YWHAE: variants seen among roughly 807,000 people sequenced by gnomAD.
YWHAE encodes tyrosine 3-monooxygenase/tryptophan 5-monooxygenase activation protein epsilon.
YWHAE carries 4 observed loss-of-function variants against 30.1 expected under a neutral mutation model. The observed-to-expected ratio is 0.13, with a 90% CI of 0.07 to 0.30. YWHAE has a LOEUF of 0.30. Among genes scored for constraint, YWHAE ranks in the 10% least tolerant of loss-of-function variants. The pLI is 1.00. For missense variants in YWHAE, 121 were observed against 315.9 expected, an observed-to-expected ratio of 0.38 and a Z score of 4.68; for synonymous variants, 118 against 111.8, an observed-to-expected ratio of 1.06 and a Z score of -0.35.
chr17:1,392,125 C>A (rs1473337697), intron 1 of YWHAE, among the ~76,000 whole-genome samples: 3 of 151,760 alleles, frequency 2.0e-5, no homozygotes, highest in South Asian at 2.1e-4. Flanking sequence ...GTCAAAGCTG[C>A]AGTGAGCCAT....
chr17:1,359,835 TG>T (rs2072827267), intron 4 of YWHAE, among the ~76,000 whole-genome samples: 2 of 146,278 alleles, frequency 1.4e-5, no homozygotes, highest in Non-Finnish European at 3.0e-5. Context: ...TGTGTGTGTG[TG>T]TGTGTGTGTG....
At chr17:1,355,135 A>C (rs1309276017) in intron 4 of YWHAE, among the ~76,000 whole-genome samples, 11 of 107,974 alleles carry the variant, frequency 1.0e-4, no homozygotes, top group African/African-American at 3.3e-4. Flanking sequence ...AAAAAAAAAA[A>C]AAAAAAAAAA....
At chr17:1,394,198 T>G (rs777251419) in intron 1 of YWHAE, among the ~76,000 whole-genome samples, 3 of 152,122 alleles carry the variant, frequency 2.0e-5, no homozygotes, top group Non-Finnish European at 2.9e-5. Context: ...TCTCTCAAAC[T>G]CACTTTCTTG....
intron 4 of YWHAE, among the ~76,000 whole-genome samples, chr17:1,358,410 T>C (rs1049979339): frequency 8.5e-5 from 13 of 152,048 alleles, no homozygotes; most frequent in Admixed American, 3.9e-4. Context: ...CGGCTGATTT[T>C]TTGTATTTTT....
chr17:1,390,570 T>C (rs963449572), intron 1 of YWHAE, among the ~76,000 whole-genome samples: 3 of 152,188 alleles, frequency 2.0e-5, no homozygotes, highest in African/African-American at 7.2e-5. Flanking sequence ...ATAACCACCC[T>C]GCAAATTAGT....
chr17:1,351,295 T>G (rs1049058914), intron 5 of YWHAE, among the ~76,000 whole-genome samples: 1 of 151,818 alleles, frequency 6.6e-6, no homozygotes, highest in African/African-American at 2.4e-5. Flanking sequence ...GGAGAATCAC[T>G]TGAACCCAGG....
intron 5 of YWHAE, among the ~76,000 whole-genome samples, chr17:1,353,515 C>A (rs1355386124): frequency 6.6e-6 from 1 of 151,662 alleles, no homozygotes; most frequent in Non-Finnish European, 1.5e-5. Context: ...GTAATCCCTG[C>A]ACTTTGGGAG....
At chr17:1,349,466 T>C (rs1432562836) in intron 5 of YWHAE, among the ~76,000 whole-genome samples, 1 of 152,206 alleles carries the variant, frequency 6.6e-6, no homozygotes, top group South Asian at 2.1e-4. Flanking sequence ...CCTGAATTTT[T>C]CACTGTTGAA....
chr17:1,354,148 A>G (rs957804318), intron 5 of YWHAE, 63 bp downstream of exon 5: 2 of 1,581,460 alleles, frequency 1.3e-6, no homozygotes, highest in Non-Finnish European at 1.7e-6. Flanking sequence ...AGGAATGTCT[A>G]AAGAGAGTAC....
chr17:1,372,993 G>A (rs922792546), intron 1 of YWHAE, among the ~76,000 whole-genome samples: 2 of 151,560 alleles, frequency 1.3e-5, no homozygotes, highest in African/African-American at 2.4e-5. Flanking sequence ...AGTAATCCCA[G>A]CACTTTGGGA....
chr17:1,380,666 T>C (rs758440510), intron 1 of YWHAE, among the ~76,000 whole-genome samples: 1 of 152,178 alleles, frequency 6.6e-6, no homozygotes, highest in African/African-American at 2.4e-5. Context: ...ATGTGCCTGA[T>C]GTAGGAAAGA....
intron 4 of YWHAE, among the ~76,000 whole-genome samples, chr17:1,358,638 C>T (rs1408684890): frequency 6.6e-6 from 1 of 151,668 alleles, no homozygotes; most frequent in Non-Finnish European, 1.5e-5. Context: ...CCAGCCTAAC[C>T]AAGATAGTGA....
At chr17:1,391,998 T>C (rs938917581) in intron 1 of YWHAE, among the ~76,000 whole-genome samples, 3 of 151,944 alleles carry the variant, frequency 2.0e-5, no homozygotes, top group Non-Finnish European at 2.9e-5. Context: ...AGGTGAATCT[T>C]GAGCTCGAGT....
chr17:1,345,238 G>C lies in YWHAE; in HGVS notation c.*209C>G. The C allele has an allele frequency of 1.7e-6, 1 of 576,694 alleles. No individual in the cohort carries two copies. The highest frequency in any genetic ancestry group is 3.0e-6 in the Non-Finnish European group (1 of 330,898). The allele number at this position is 576,694 out of a possible 1,614,324, so 35.7% of individuals were successfully genotyped here. On this transcript the variant is annotated 3_prime_UTR_variant, in exon 6 of 6. Transcript: ENST00000264335. ...TTAAAGAACCTAAAAGCTGGGACCAGTAAAATCCACAGAAATTCACTCTTG... is the reference window on the plus strand; with the variant it reads ...TTAAAGAACCTAAAAGCTGGGACCACTAAAATCCACAGAAATTCACTCTTG...
chr17:1,382,831 C>T (rs949785307), intron 1 of YWHAE, among the ~76,000 whole-genome samples: 1 of 152,032 alleles, frequency 6.6e-6, no homozygotes, highest in African/African-American at 2.4e-5. Context: ...TCGAGACCAG[C>T]CTGGCCAACC....
Position 1,354,297 on chromosome 17 carries a change from C to T in YWHAE, c.629G>A (p.Ser210Asn), listed in dbSNP as rs762403227. ...TGTAGAGTCCTTATAGCTTTCTTCA[C>T]TCAGCGTATCCAGTTCTGCAATTGC... is the stretch of plus-strand genomic sequence containing the variant. ...DDAIAELDTL[S>N]EESYKDSTLI... Residue 210 changes from serine to asparagine, a missense_variant, in exon 5 of 6, where the codon AGT becomes AAT. By Grantham distance (46) the Ser-to-Asn change is conservative. Transcript: ENST00000264335. 8 of 1,614,006 alleles carry T rather than the reference C, an allele frequency of 5.0e-6. No homozygotes were observed. The Admixed American group carries it at 8.3e-5, about 17-fold the overall frequency.
intron 1 of YWHAE, among the ~76,000 whole-genome samples, chr17:1,374,535 C>CTCCCAAACTTTTCTACAGGA (rs1421775774): frequency 5.3e-5 from 8 of 152,042 alleles, no homozygotes; most frequent in Non-Finnish European, 7.4e-5. Flanking sequence ...GGAGCGGCAC[C>CTCCCAAACTTTTCTACAGGA]GTTTTTACAC....
intron 1 of YWHAE, among the ~76,000 whole-genome samples, chr17:1,383,255 CAGG>C (rs995541737): frequency 2.6e-5 from 4 of 151,118 alleles, no homozygotes; most frequent in African/African-American, 7.3e-5. Context: ...GGGGCTGAGG[CAGG>C]AGAATTGCTT....
At position 1,400,136 on chromosome 17, in the gene YWHAE, G is replaced by A. The variant is rs567080372; in HGVS notation, c.-26C>T. 3.7e-6 allele frequency: 6 copies of A among 1,613,820 alleles called. No individual in the cohort carries two copies. Among genetic ancestry groups the A allele is most frequent in the African/African-American group, 2.7e-5 (2 of 75,064 alleles). On this transcript the variant is annotated 5_prime_UTR_variant, in exon 1 of 6. Coordinates refer to ENST00000264335, the MANE Select transcript of YWHAE (RefSeq NM_006761.5). ...AGCGGCAGCGGCTCCGGCAGGGTCTGCGCGACGGATGGAAGCGGATAGTGT... is the reference window on the plus strand; with the variant it reads ...AGCGGCAGCGGCTCCGGCAGGGTCTACGCGACGGATGGAAGCGGATAGTGT...
Sources: gnomAD v4.1 joint callset for allele counts (sites outside exome capture counted in the v4.1 genomes callset) on GRCh38, gnomAD v4.1.1 for gene constraint, MANE v1.5 for transcripts, NCBI Gene and HGNC (gene_info 2026-07-23, HGNC 2026-07-21) for gene names.